The following STAB1 variants were observed in gnomAD, a reference collection of about 807,000 sequenced individuals.
STAB1 encodes the protein stabilin 1, also known as stabilin-1.
Under a neutral mutation model 332.4 loss-of-function variants are expected in STAB1, and 250 were observed. The observed-to-expected ratio is 0.75, with a 90% CI of 0.68 to 0.84. The LOEUF (loss-of-function observed/expected upper bound fraction) is 0.84. Ranked by LOEUF, STAB1 falls within the 40% of genes least tolerant of loss-of-function variation. The pLI, the probability that STAB1 is intolerant of heterozygous loss-of-function variation, is 0.00. For missense variants in STAB1, 3,249 were observed against 3,489.7 expected, an observed-to-expected ratio of 0.93 and a Z score of 1.74; for synonymous variants, 1,475 against 1,390.4, an observed-to-expected ratio of 1.06 and a Z score of -1.35.
Position 52,503,670 on chromosome 3 carries a change from T to C in STAB1, c.892-102T>C, listed in dbSNP as rs370201612. 6.2e-3 allele frequency: 9,786 copies of C among 1,570,688 alleles called. 73 individuals are homozygous for C. The highest frequency in any genetic ancestry group is 0.024 in the South Asian group (2,049 of 84,998). ...TTGTAAAGTGGGGAGAGGATAAGGGTCCTCTTCAGGGAGGGGCTGAGCAGG... is the reference window on the plus strand; with the variant it reads ...TTGTAAAGTGGGGAGAGGATAAGGGCCCTCTTCAGGGAGGGGCTGAGCAGG... On this transcript the variant is annotated intron_variant, in intron 8 of 68. Coordinates refer to ENST00000321725, the MANE Select transcript of STAB1 (RefSeq NM_015136.3).
At chr3:52,514,645 G>A (rs1240946579) in intron 34 of STAB1, 56 bp from the exon 35 acceptor site, 29 of 1,610,852 alleles carry the variant, frequency 1.8e-5, no homozygotes, top group South Asian at 6.6e-5. Context: ...TGACCTTACA[G>A]CCCTGCCAGG....
Position 52,506,152 on chromosome 3 carries a change from C to T in STAB1, c.1750-18C>T. ...ATGGCCAGAGCCCAGCCTAAAGCCA[C>T]ACTGTCCCTTGCCCCAGCTGACCGT... is the stretch of plus-strand genomic sequence containing the variant. On this transcript the variant is annotated intron_variant, in intron 16 of 68. Coordinates refer to ENST00000321725, the MANE Select transcript of STAB1 (RefSeq NM_015136.3). 1 of 1,606,846 alleles carries T rather than the reference C, an allele frequency of 6.2e-7. No homozygotes were observed. Among genetic ancestry groups the T allele is most frequent in the Non-Finnish European group, 8.5e-7 (1 of 1,176,850 alleles).
In STAB1 at chr3:52,518,772, A is replaced by C. The variant is rs146354995; in HGVS notation, c.4937A>C (p.His1646Pro). 4.3e-6 allele frequency: 7 copies of C among 1,612,486 alleles called. No homozygotes were observed. Among genetic ancestry groups the C allele is most frequent in the Non-Finnish European group, 5.9e-6 (7 of 1,179,812 alleles). ...CATCGCCAGCTGGTGTTTCGCTACCACGTGGTTGGCTGTCGGCGGCTGCGG... is the reference window on the plus strand; with the variant it reads ...CATCGCCAGCTGGTGTTTCGCTACCCCGTGGTTGGCTGTCGGCGGCTGCGG... ...RAHRQLVFRYHVVGCRRLRSE... is the reference protein window; with the variant it reads ...RAHRQLVFRYPVVGCRRLRSE... The change falls in exon 48 of 69, where the codon CAC becomes CCC. Residue 1646 changes from histidine to proline, a missense_variant. By Grantham distance (77) the His-to-Pro change is moderately conservative (BLOSUM62 -2). Transcript: ENST00000321725.
intron 18 of STAB1, among the ~76,000 whole-genome samples, 180 bp downstream of exon 18, chr3:52,507,030 A>G (rs1423057889): frequency 1.3e-5 from 2 of 152,222 alleles, no homozygotes; most frequent in South Asian, 2.1e-4. Context: ...CACCAGGACT[A>G]TGATTCCATC....
intron 18 of STAB1, 57 bp downstream of exon 18, chr3:52,506,907 C>A (rs547748526): frequency 6.3e-7 from 1 of 1,585,750 alleles, no homozygotes; most frequent in Non-Finnish European, 8.6e-7. Context: ...AGCGCTGGAG[C>A]GGCAATCCTC....
chr3:52,519,357 C>T lies in STAB1; in HGVS notation c.5128C>T (p.Pro1710Ser), dbSNP rs1439321334. 6.2e-6 allele frequency: 10 copies of T among 1,613,056 alleles called. No homozygotes were observed. Among genetic ancestry groups the T allele is most frequent in the East Asian group, 2.2e-5 (1 of 44,880 alleles). Residue 1710 changes from proline (P) to serine (S), a missense_variant, in exon 49 of 69, where the codon CCC becomes TCC. Physicochemically the swap from Pro to Ser is moderately conservative, Grantham distance 74. Transcript: ENST00000321725. ...GCACTTCATTGACCGTGTCCTGCTG[C>T]CCCCCGAGGCGCTGCACTGGGAGCC... is the stretch of plus-strand genomic sequence containing the variant. The part of the protein sequence containing the change: ...ILHFIDRVLL[P>S]PEALHWEPDD...
chr3:52,523,124 C>T lies in STAB1; in HGVS notation c.7010C>T (p.Thr2337Ile), dbSNP rs1449804384. 5 of 1,588,764 alleles carry T rather than the reference C, an allele frequency of 3.1e-6. No homozygotes were observed. The highest frequency in any genetic ancestry group is 4.3e-6 in the Non-Finnish European group (5 of 1,166,610). ...DVLAATANFS[T>I]FYGMLLGYAN... The stretch of plus-strand genomic sequence containing the variant: ...CTGGCTGCCACTGCCAACTTCTCCA[C>T]CTTCTATGGGGTGTGTGGGGGCCAC... Residue 2337 changes from threonine to isoleucine, a missense_variant, in exon 63 of 69, where the codon ACC (threonine) becomes ATC (isoleucine). Thr to Ile is a moderately conservative substitution (Grantham distance 89, BLOSUM62 -1). Transcript: ENST00000321725.
intron 50 of STAB1, 120 bp from the exon 51 acceptor site, chr3:52,519,824 G>T: frequency 7.7e-7 from 1 of 1,304,734 alleles, no homozygotes; most frequent in East Asian, 2.5e-5. Context: ...TGCCTGGGAT[G>T]GTCACAGATG....
chr3:52,511,533 C>T (rs1456011824), intron 25 of STAB1, 117 bp from the exon 26 acceptor site: 4 of 835,688 alleles, frequency 4.8e-6, no homozygotes, highest in Non-Finnish European at 7.4e-6. Flanking sequence ...GGGAGAAGTT[C>T]CTCTGGGGTC....
intron 1 of STAB1, among the ~76,000 whole-genome samples, chr3:52,497,999 T>A (rs1010724036): frequency 1.3e-5 from 2 of 152,132 alleles, no homozygotes; most frequent in African/African-American, 4.8e-5. Context: ...GTGGAGCCTG[T>A]GGCGGGAGAG....
Position 52,509,223 on chromosome 3 carries a change from T to A in STAB1, c.2249T>A (p.Ile750Asn). 2 of 1,613,580 alleles carry A rather than the reference T, an allele frequency of 1.2e-6. No homozygotes were observed. Among genetic ancestry groups the A allele is most frequent in the Non-Finnish European group, 1.7e-6 (2 of 1,179,918 alleles). ...CTCACTCTCTAGTGCAGTGATGGGA[T>A]CCAGGGCAATGGGGCCTGCCTCTGC... ...CYGKGNCSDGIQGNGACLCFP... is the reference protein window; with the variant it reads ...CYGKGNCSDGNQGNGACLCFP... The change falls in exon 22 of 69, where the codon ATC (isoleucine) becomes AAC (asparagine). Residue 750 changes from isoleucine to asparagine, a missense_variant. Transcript: ENST00000321725.
At position 52,504,110 on chromosome 3, in the gene STAB1, A is replaced by G; in HGVS notation, c.1105A>G (p.Thr369Ala). The G allele has an allele frequency of 6.3e-7, 1 of 1,592,330 alleles. No individual in the cohort carries two copies. The highest frequency in any genetic ancestry group is 1.7e-5 in the Admixed American group (1 of 57,224). The change falls in exon 10 of 69, where the codon ACA becomes GCA. Residue 369 changes from threonine (T) to alanine (A), a missense_variant. Thr to Ala is a moderately conservative substitution (Grantham distance 58). Coordinates refer to ENST00000321725, the MANE Select transcript of STAB1 (RefSeq NM_015136.3). ...CCACGAGGTGCAGAAGGCCACGCAGACAGGCCGGGTGTTCCTGCAGCTGAG... is the reference window on the plus strand; with the variant it reads ...CCACGAGGTGCAGAAGGCCACGCAGGCAGGCCGGGTGTTCCTGCAGCTGAG... ...LLHEVQKATQTGRVFLQLRVA... is the reference protein window; with the variant it reads ...LLHEVQKATQAGRVFLQLRVA...
chr3:52,520,256 C>A lies in STAB1; in HGVS notation c.5465C>A (p.Thr1822Asn), dbSNP rs760461739. The A allele has an allele frequency of 1.1e-5, 17 of 1,613,154 alleles. No individual in the cohort carries two copies. The South Asian group carries it at 1.9e-4, about 18-fold the overall frequency. Reference sequence around the variant, plus strand: ...GGCCCACTTCGAACCATGCATGGGACCCCCATCTCTTTCTCCTGCAGCCGA... The same window carrying A: ...GGCCCACTTCGAACCATGCATGGGAACCCCATCTCTTTCTCCTGCAGCCGA... ...NLGPLRTMHG[T>N]PISFSCSRTR... Residue 1822 changes from threonine to asparagine, a missense_variant, in exon 52 of 69, where the codon ACC (threonine) becomes AAC (asparagine). Physicochemically the swap from Thr to Asn is moderately conservative, Grantham distance 65 (BLOSUM62 0). Transcript: ENST00000321725.
rs373847695 is a variant in STAB1, at chr3:52,510,146, C to T, written c.2539C>T (p.Arg847Cys). The T allele has an allele frequency of 6.1e-5, 99 of 1,613,878 alleles. 1 individual carries two copies. The highest frequency in any genetic ancestry group is 7.7e-5 in the Non-Finnish European group (91 of 1,180,036). Reference protein sequence around the residue: ...CVSQEGVARCRCLDGFEGDGF... With the variant: ...CVSQEGVARCCCLDGFEGDGF... ...CCCTCCTTCACCCACCCCCAGATGT[C>T]GCTGTCTTGATGGCTTTGAGGGTGA... Residue 847 changes from arginine to cysteine, a missense_variant, in exon 24 of 69, where the codon CGC (arginine) becomes TGC (cysteine). By Grantham distance (180) the Arg-to-Cys change is radical (BLOSUM62 -3). Coordinates refer to ENST00000321725, the MANE Select transcript of STAB1 (RefSeq NM_015136.3).
At position 52,504,126 on chromosome 3, in the gene STAB1, T is replaced by A. The variant is rs1264947964; in HGVS notation, c.1121T>A (p.Leu374Gln). ...GCCACGCAGACAGGCCGGGTGTTCC[T>A]GCAGCTGAGGGTCGCCGTGGCCATG... ...QKATQTGRVF[L>Q]QLRVAVAMMD... The change falls in exon 10 of 69, where the codon CTG (leucine) becomes CAG (glutamine). Residue 374 changes from leucine (L) to glutamine (Q), a missense_variant. Coordinates refer to ENST00000321725, the MANE Select transcript of STAB1 (RefSeq NM_015136.3). 6.3e-7 allele frequency: 1 copy of A among 1,592,028 alleles called. No homozygotes were observed. The highest frequency in any genetic ancestry group is 2.3e-5 in the East Asian group (1 of 43,906).
At position 52,508,376 on chromosome 3, in the gene STAB1, C is replaced by T. The variant is rs772128722; in HGVS notation, c.2235+17C>T. ...AAAGGCAATGTGAGTCCCATCCTCTCCTGGGGTGAGGTATGGGGAACACAA... is the reference window on the plus strand; with the variant it reads ...AAAGGCAATGTGAGTCCCATCCTCTTCTGGGGTGAGGTATGGGGAACACAA... On this transcript the variant is annotated intron_variant, in intron 21 of 68. Transcript: ENST00000321725. 1.9e-6 allele frequency: 3 copies of T among 1,612,578 alleles called. No individual in the cohort carries two copies. Among genetic ancestry groups the T allele is most frequent in the Non-Finnish European group, 1.7e-6 (2 of 1,179,458 alleles).
intron 22 of STAB1, chr3:52,509,529 G>A: frequency 1.7e-6 from 1 of 592,182 alleles, no homozygotes; most frequent in Non-Finnish European, 3.0e-6. Context: ...AAGGGGAGTG[G>A]AGGAAGATTT....
At position 52,519,578 on chromosome 3, in the gene STAB1, G is replaced by A. The variant is rs1214636379; in HGVS notation, c.5235+14G>A. The A allele has an allele frequency of 3.7e-6, 6 of 1,612,106 alleles. No homozygotes were observed. Among genetic ancestry groups the A allele is most frequent in the Admixed American group, 1.7e-5 (1 of 59,888 alleles). ...GGCCTCCTGAAGGTACTGCTCCCGT[G>A]TGGGCCTGTCATTGTGGACACACAT... On this transcript the variant is annotated intron_variant, in intron 50 of 68. Coordinates refer to ENST00000321725, the MANE Select transcript of STAB1 (RefSeq NM_015136.3).
Position 52,523,058 on chromosome 3 carries a change from G to A in STAB1, c.6944G>A (p.Gly2315Asp). ...TGCCGATGCCGAAATGGCTTCGTGG[G>A]TGACGGGATCAGCACGTGCAATGGG... The part of the protein sequence containing the change: ...VACRCRNGFV[G>D]DGISTCNGKL... The change falls in exon 63 of 69, where the codon GGT becomes GAT. Residue 2315 changes from glycine to aspartate, a missense_variant. Transcript: ENST00000321725. 6.4e-7 allele frequency: 1 copy of A among 1,570,182 alleles called. No individual in the cohort carries two copies. Among genetic ancestry groups the A allele is most frequent in the East Asian group, 2.2e-5 (1 of 44,466 alleles).
Sources: allele counts gnomAD v4.1 joint callset (sites outside exome capture counted in the v4.1 genomes callset), GRCh38; gene constraint gnomAD v4.1.1; transcripts MANE v1.5; gene names NCBI Gene and HGNC (gene_info 2026-07-23, HGNC 2026-07-21).